Variants in TCF12 observed in about 807,000 individuals in gnomAD.
TCF12 encodes the protein DNA-binding protein HTF4.
In TCF12, 45 loss-of-function variants were observed where a neutral mutation model predicts 86.0. That is an observed-to-expected ratio of 0.52 (90% CI 0.41 to 0.67). TCF12 has a LOEUF of 0.67. Among genes scored for constraint, TCF12 ranks in the 30% least tolerant of loss-of-function variants. The pLI is 0.00. For synonymous variants in TCF12, 330 were observed against 299.6 expected (o/e 1.10, Z -1.05); for missense variants, 881 against 859.9 (o/e 1.02, Z -0.31).
chr15:57,117,069 A>G (rs2050889801), intron 5 of TCF12, among the ~76,000 whole-genome samples: 1 of 151,534 alleles, frequency 6.6e-6, no homozygotes, highest in Non-Finnish European at 1.5e-5. Flanking sequence ...AGTAGAAAAA[A>G]AAAGCCTTAT....
At chr15:57,220,698 TA>T (rs1178968346) in intron 8 of TCF12, among the ~76,000 whole-genome samples, 69 of 147,800 alleles carry the variant, frequency 4.7e-4, no homozygotes, top group Admixed American at 5.4e-4. Flanking sequence ...TTATATATTC[TA>T]AAAAAAAAAG....
chr15:57,188,601 C>T (rs1487284943), intron 6 of TCF12, among the ~76,000 whole-genome samples: 1 of 152,106 alleles, frequency 6.6e-6, no homozygotes, highest in Non-Finnish European at 1.5e-5. Context: ...AACATATAGA[C>T]CAATGGGATA....
chr15:57,232,574 TA>T, intron 10 of TCF12, 137 bp from the exon 11 acceptor site: 1 of 1,448,356 alleles, frequency 6.9e-7, no homozygotes, highest in Non-Finnish European at 9.3e-7. Context: ...CATGCCTTTC[TA>T]AAAAATAAAT....
At chr15:57,010,908 T>TG (rs1176934416) in intron 3 of TCF12, among the ~76,000 whole-genome samples, 1 of 152,188 alleles carries the variant, frequency 6.6e-6, no homozygotes, top group Admixed American at 6.5e-5. Context: ...GTAGTCGTAT[T>TG]GCTGTGAGTC....
At chr15:57,078,748 T>G (rs2070363239) in intron 4 of TCF12, among the ~76,000 whole-genome samples, 1 of 152,146 alleles carries the variant, frequency 6.6e-6, no homozygotes, top group South Asian at 2.1e-4. Context: ...AGATGAAGTA[T>G]CAAAAAGCAC....
At chr15:57,007,862 C>T (rs1206974528) in intron 3 of TCF12, among the ~76,000 whole-genome samples, 5 of 11,518 alleles carry the variant, frequency 4.3e-4, no homozygotes, top group African/African-American at 6.6e-4. Context: ...CCCTTCCTTC[C>T]TTCCTTCCTT....
chr15:57,253,490 T>C (rs2060211714), intron 16 of TCF12, 22 bp downstream of exon 16: 4 of 1,612,212 alleles, frequency 2.5e-6, no homozygotes, highest in Non-Finnish European at 2.5e-6. Context: ...CTCATCTTTT[T>C]TGTAGTAAAC....
At position 57,094,449 on chromosome 15, in the gene TCF12, C is replaced by G. The variant is rs145162605; in HGVS notation, c.325+2558C>G. On this transcript the variant is annotated intron_variant, in intron 5 of 20. Transcript: ENST00000333725. ...ATGCCTCTTAAATCACAATGCAGTTCTATACAGCAACAGGCAATTCAACTT... is the reference window on the plus strand; with the variant it reads ...ATGCCTCTTAAATCACAATGCAGTTGTATACAGCAACAGGCAATTCAACTT... Among the ~76,000 whole-genome samples, 303 of 152,258 alleles carry G rather than the reference C, an allele frequency of 2.0e-3. 3 individuals carry two copies. The highest frequency in any genetic ancestry group is 6.9e-3 in the African/African-American group (286 of 41,556).
chr15:57,165,681 C>T (rs1234018947), intron 5 of TCF12, among the ~76,000 whole-genome samples: 3 of 151,798 alleles, frequency 2.0e-5, no homozygotes, highest in African/African-American at 7.3e-5. Context: ...GGACTACAGG[C>T]GCATACCACC....
chr15:57,044,896 T>G (rs1238027532), intron 3 of TCF12, among the ~76,000 whole-genome samples: 1 of 152,176 alleles, frequency 6.6e-6, no homozygotes, highest in African/African-American at 2.4e-5. Flanking sequence ...TGCTTGATCG[T>G]TTGTGGTACT....
At chr15:57,277,915 G>C (rs2152117861) in intron 19 of TCF12, among the ~76,000 whole-genome samples, 1 of 151,988 alleles carries the variant, frequency 6.6e-6, no homozygotes, top group South Asian at 2.1e-4. Flanking sequence ...ACTCCAGTCT[G>C]GGCAGCAGAG....
At chr15:57,285,329 TTCTA>T (rs1383941693) in intron 20 of TCF12, among the ~76,000 whole-genome samples, 1 of 152,240 alleles carries the variant, frequency 6.6e-6, no homozygotes, top group Non-Finnish European at 1.5e-5. Flanking sequence ...AAAGTTATGA[TTCTA>T]TCTAAAACTA....
At chr15:56,999,399 G>A (rs558582036) in intron 3 of TCF12, among the ~76,000 whole-genome samples, 1 of 50,472 alleles carries the variant, frequency 2.0e-5, no homozygotes, top group South Asian at 1.0e-3. Context: ...TAAAAAACTA[G>A]TATCAGCAAC....
Position 57,231,264 on chromosome 15 carries a change from A to T in TCF12, c.685+7A>T. 1 of 1,588,842 alleles carries T rather than the reference A, an allele frequency of 6.3e-7. No individual in the cohort carries two copies. The highest frequency in any genetic ancestry group is 8.6e-7 in the Non-Finnish European group (1 of 1,157,346). On this transcript the variant is annotated splice_region_variant and intron_variant, in intron 9 of 20. Coordinates refer to ENST00000333725, the MANE Select transcript of TCF12 (RefSeq NM_207037.2). ...AGCACTTTCTTTATGCAAGGTAAGT[A>T]CTACCAAACAATTGCCAAATACTAC...
intron 15 of TCF12, 63 bp downstream of exon 15, chr15:57,252,555 T>C: frequency 7.3e-7 from 1 of 1,374,258 alleles, no homozygotes; most frequent in Non-Finnish European, 1.0e-6. Flanking sequence ...CCACTATTCA[T>C]TTAAAATCTT....
intron 3 of TCF12, among the ~76,000 whole-genome samples, chr15:57,023,943 A>G (rs1351284178): frequency 2.0e-5 from 3 of 152,120 alleles, no homozygotes; most frequent in South Asian, 2.1e-4. Flanking sequence ...ATAGTTCACA[A>G]CAGGGTTCAT....
At chr15:57,260,031 C>T (rs764394482) in intron 16 of TCF12, among the ~76,000 whole-genome samples, 1 of 152,186 alleles carries the variant, frequency 6.6e-6, no homozygotes, top group African/African-American at 2.4e-5. Flanking sequence ...TTCAAGCCTT[C>T]GTCTAGTCTG....
rs1367808291 is a variant in TCF12, at chr15:57,286,529, T to G, written c.*384T>G. 1 of 414,454 alleles carries G rather than the reference T, an allele frequency of 2.4e-6. No individual in the cohort carries two copies. Among genetic ancestry groups the G allele is most frequent in the Admixed American group, 3.1e-5 (1 of 32,440 alleles). The allele number at this position is 414,454 out of a possible 1,614,324, so 25.7% of individuals were successfully genotyped here. A position where few individuals can be genotyped will look rare whatever the true frequency, so the allele number is the denominator to read the frequency against. ...CAAATTTTATTTATTGTTATGAAAC[T>G]GTAAGGTCTACATATAAAGGGAAAA... is the stretch of plus-strand genomic sequence containing the variant. On this transcript the variant is annotated 3_prime_UTR_variant, in exon 21 of 21. Transcript: ENST00000333725.
At chr15:57,025,848 C>G (rs918806842) in intron 3 of TCF12, among the ~76,000 whole-genome samples, 3 of 152,146 alleles carry the variant, frequency 2.0e-5, no homozygotes, top group East Asian at 1.9e-4. Flanking sequence ...GTAGTGGTTC[C>G]TTTGTAATCT....
Sources: gnomAD v4.1 joint callset for allele counts (sites outside exome capture counted in the v4.1 genomes callset) on GRCh38, gnomAD v4.1.1 for gene constraint, MANE v1.5 for transcripts, NCBI Gene and HGNC (gene_info 2026-07-23, HGNC 2026-07-21) for gene names.